SPIRE1: variants seen among roughly 807,000 people sequenced by gnomAD.
SPIRE1 encodes spire type actin nucleation factor 1.
Under a neutral mutation model 94.1 loss-of-function variants are expected in SPIRE1, and 40 were observed. That is an observed-to-expected ratio of 0.43 (90% CI 0.33 to 0.55). The LOEUF is 0.55. Among genes scored for constraint, SPIRE1 ranks in the 20% least tolerant of loss-of-function variants. The probability of loss-of-function intolerance (pLI) is 0.06; values close to 1 mark genes in which losing one functional copy is unlikely to be tolerated. For synonymous variants in SPIRE1, 376 were observed against 371.7 expected (o/e 1.01, Z -0.13); for missense variants, 838 against 975.2 (o/e 0.86, Z 1.87).
At chr18:12,509,952 G>C (rs1208774960) in intron 5 of SPIRE1, among the ~76,000 whole-genome samples, 4 of 151,966 alleles carry the variant, frequency 2.6e-5, no homozygotes, top group African/African-American at 4.8e-5. Context: ...GGGTGTGGTG[G>C]TGCGCACCTG....
chr18:12,595,154 G>A (rs2036636004), intron 2 of SPIRE1, among the ~76,000 whole-genome samples: 1 of 151,840 alleles, frequency 6.6e-6, no homozygotes, highest in Non-Finnish European at 1.5e-5. Flanking sequence ...GCATGGTGGT[G>A]GGGACCACTA....
chr18:12,607,705 T>A (rs1175010348), intron 2 of SPIRE1, among the ~76,000 whole-genome samples: 1 of 151,096 alleles, frequency 6.6e-6, no homozygotes, highest in African/African-American at 2.4e-5. Flanking sequence ...ATAGAAGCAA[T>A]CTAAAAGAAA....
chr18:12,502,682 G>A (rs1475036518), intron 6 of SPIRE1, among the ~76,000 whole-genome samples: 3 of 151,992 alleles, frequency 2.0e-5, no homozygotes, highest in Non-Finnish European at 4.4e-5. Context: ...TTAAACCATG[G>A]GGATAATTGG....
At chr18:12,502,432 A>T (rs540435163) in intron 6 of SPIRE1, among the ~76,000 whole-genome samples, 5 of 152,196 alleles carry the variant, frequency 3.3e-5, no homozygotes, top group Non-Finnish European at 5.9e-5. Flanking sequence ...TAAGATTAAC[A>T]TTAAGTGCTC....
chr18:12,449,678 G>A lies in SPIRE1; in HGVS notation c.2231C>T (p.Ser744Leu), dbSNP rs763129042. The stretch of plus-strand genomic sequence containing the variant: ...CGTCCTCTCTGAAGGGCAGTACTCC[G>A]AGGGGCCTGGCGAGGACATGTAGAA... Reference protein sequence around the residue: ...QSFYMSSPGPSEYCPSERTIS... With the variant: ...QSFYMSSPGPLEYCPSERTIS... Residue 744 changes from serine (S) to leucine (L), a missense_variant, in exon 17 of 17, where the codon TCG becomes TTG. By Grantham distance (145) the Ser-to-Leu change is moderately radical. Around this residue, in one of 2 missense-constraint regions of SPIRE1, gnomAD observed 645 missense variants for 804.7 expected, o/e 0.80. Transcript: ENST00000409402. 5.9e-5 allele frequency: 96 copies of A among 1,614,052 alleles called. No homozygotes were observed. Among genetic ancestry groups the A allele is most frequent in the Non-Finnish European group, 7.1e-5 (84 of 1,180,044 alleles).
In SPIRE1 at chr18:12,512,496, A is replaced by T; in HGVS notation, c.765T>A (p.Asp255Glu). Residue 255 changes from aspartate to glutamate, a missense_variant, in exon 5 of 17, where the codon GAT becomes GAA. By Grantham distance (45) the Asp-to-Glu change is conservative (BLOSUM62 2). This residue lies in a region of SPIRE1 where 645 missense variants were observed against 804.7 expected (regional missense o/e 0.80). Coordinates refer to ENST00000409402, the MANE Select transcript of SPIRE1 (RefSeq NM_001128626.2). ...LKKIQEMEKSDESSTDLEELK... is the reference protein window; with the variant it reads ...LKKIQEMEKSEESSTDLEELK... ...GCTCTTCCAAGTCTGTGCTAGATTC[A>T]TCGCTCTTTTCCATTTCTTGAATCT... is the stretch of plus-strand genomic sequence containing the variant. 2 of 1,612,656 alleles carry T rather than the reference A, an allele frequency of 1.2e-6. No individual in the cohort carries two copies. Among genetic ancestry groups the T allele is most frequent in the Non-Finnish European group, 1.7e-6 (2 of 1,179,136 alleles).
chr18:12,544,291 C>G (rs993616343), intron 3 of SPIRE1, among the ~76,000 whole-genome samples: 15 of 151,674 alleles, frequency 9.9e-5, no homozygotes, highest in African/African-American at 3.6e-4. Context: ...CCTCCACCTC[C>G]TAGGTTCAAG....
chr18:12,556,413 A>G (rs1397888134), intron 2 of SPIRE1, among the ~76,000 whole-genome samples: 1 of 152,244 alleles, frequency 6.6e-6, no homozygotes, highest in Non-Finnish European at 1.5e-5. Flanking sequence ...TAATACTACA[A>G]ATATACAAAT....
chr18:12,534,827 G>A (rs2034789141), intron 4 of SPIRE1, among the ~76,000 whole-genome samples: 1 of 152,134 alleles, frequency 6.6e-6, no homozygotes, highest in African/African-American at 2.4e-5. Flanking sequence ...CCAAGTAGCT[G>A]GGATTACAGG....
intron 2 of SPIRE1, among the ~76,000 whole-genome samples, chr18:12,575,241 G>A (rs1363045709): frequency 6.6e-6 from 1 of 151,702 alleles, no homozygotes; most frequent in Non-Finnish European, 1.5e-5. Flanking sequence ...ACTTTAGTTT[G>A]ACAAACTAGA....
At chr18:12,463,714 AATGTT>A (rs1598895028) in intron 11 of SPIRE1, among the ~76,000 whole-genome samples, 2 of 152,142 alleles carry the variant, frequency 1.3e-5, no homozygotes, top group Non-Finnish European at 2.9e-5. Flanking sequence ...AAAAAGGAAA[AATGTT>A]AGGTGTAGCC....
At chr18:12,594,611 G>A (rs919619930) in intron 2 of SPIRE1, among the ~76,000 whole-genome samples, 1 of 152,130 alleles carries the variant, frequency 6.6e-6, no homozygotes, top group Non-Finnish European at 1.5e-5. Context: ...ATTATTGTTG[G>A]GGAATGGGGT....
intron 8 of SPIRE1, among the ~76,000 whole-genome samples, chr18:12,488,204 T>C (rs1249779076): frequency 6.6e-6 from 1 of 152,224 alleles, no homozygotes; most frequent in African/African-American, 2.4e-5. Flanking sequence ...ATCCTCTTCA[T>C]ATAAAGAGGG....
intron 2 of SPIRE1, among the ~76,000 whole-genome samples, chr18:12,598,981 C>A (rs561121618): frequency 6.6e-6 from 1 of 152,234 alleles, no homozygotes; most frequent in African/African-American, 2.4e-5. Flanking sequence ...TATCCTTTGA[C>A]CAGATTTATC....
chr18:12,490,633 C>T (rs1200456257), intron 8 of SPIRE1, among the ~76,000 whole-genome samples: 2 of 152,092 alleles, frequency 1.3e-5, no homozygotes, highest in African/African-American at 4.8e-5. Flanking sequence ...GACAGCTTAA[C>T]ACATGAAAAT....
chr18:12,661,432 C>A, upstream of SPIRE1: 4 of 793,348 alleles, frequency 5.0e-6, no homozygotes, highest in Non-Finnish European at 6.1e-6. Flanking sequence ...TCTAGCACCC[C>A]TGTGGAATAA....
At chr18:12,491,439 A>G (rs1208851128) in intron 8 of SPIRE1, among the ~76,000 whole-genome samples, 1 of 152,078 alleles carries the variant, frequency 6.6e-6, no homozygotes, top group African/African-American at 2.4e-5. Context: ...CTGGCAAACA[A>G]CAGTGGAACA....
At chr18:12,624,371 C>T (rs903004792) in intron 2 of SPIRE1, among the ~76,000 whole-genome samples, 12 of 151,408 alleles carry the variant, frequency 7.9e-5, no homozygotes, top group African/African-American at 2.9e-4. Context: ...GGTGAAACCC[C>T]GTCTCTACTG....
At chr18:12,530,627 T>C (rs1293399960) in intron 4 of SPIRE1, among the ~76,000 whole-genome samples, 1 of 152,116 alleles carries the variant, frequency 6.6e-6, no homozygotes, top group Non-Finnish European at 1.5e-5. Flanking sequence ...TCCTCCCCAT[T>C]TTTAAAGATG....
Sources: allele counts gnomAD v4.1 joint callset (sites outside exome capture counted in the v4.1 genomes callset), GRCh38; gene constraint gnomAD v4.1.1; regional missense constraint gnomAD v4.1.1; transcripts MANE v1.5; gene names NCBI Gene and HGNC (gene_info 2026-07-23, HGNC 2026-07-21).